ST6GALNAC3: variants seen among roughly 807,000 people sequenced by gnomAD.
ST6GALNAC3 encodes the protein ST6 N-acetylgalactosaminide alpha-2,6-sialyltransferase 3.
Under a neutral mutation model 32.7 loss-of-function variants are expected in ST6GALNAC3, and 25 were observed. The ratio of observed to expected loss-of-function variants is 0.76; its 90% CI spans 0.56 to 1.07. ST6GALNAC3 has a LOEUF of 1.07. Among genes scored for constraint, ST6GALNAC3 ranks in the 50% least tolerant of loss-of-function variants. The probability of loss-of-function intolerance (pLI) is 0.00; values close to 1 mark genes in which losing one functional copy is unlikely to be tolerated. For missense variants in ST6GALNAC3, 355 were observed against 382.4 expected (o/e 0.93, Z 0.60); for synonymous variants, 129 against 133.1 (o/e 0.97, Z 0.21).
At chr1:76,125,138 A>G (rs893403507) in intron 1 of ST6GALNAC3, among the ~76,000 whole-genome samples, 3 of 152,186 alleles carry the variant, frequency 2.0e-5, no homozygotes, top group Non-Finnish European at 4.4e-5. Flanking sequence ...CTTGCATTAC[A>G]TGTCTCTGGG....
intron 3 of ST6GALNAC3, among the ~76,000 whole-genome samples, chr1:76,486,214 G>A (rs1035591575): frequency 6.6e-6 from 1 of 152,194 alleles, no homozygotes; most frequent in Admixed American, 6.5e-5. Flanking sequence ...ATTTGGGGTG[G>A]AGATTTCTGT....
At chr1:76,573,815 A>G (rs555583616) in intron 3 of ST6GALNAC3, among the ~76,000 whole-genome samples, 2 of 152,188 alleles carry the variant, frequency 1.3e-5, no homozygotes, top group South Asian at 4.1e-4. Context: ...CTGGCCTTGT[A>G]CTTCTAGGAA....
chr1:76,624,104 A>G (rs1280093854), intron 3 of ST6GALNAC3, among the ~76,000 whole-genome samples: 1 of 151,988 alleles, frequency 6.6e-6, no homozygotes, highest in Non-Finnish European at 1.5e-5. Context: ...GCAACTGTCA[A>G]TTAAGTGCTG....
chr1:76,423,515 C>T (rs1361730174), intron 3 of ST6GALNAC3, among the ~76,000 whole-genome samples: 1 of 151,894 alleles, frequency 6.6e-6, no homozygotes, highest in Non-Finnish European at 1.5e-5. Context: ...GCTCTACTGG[C>T]AAAATGGATA....
intron 1 of ST6GALNAC3, among the ~76,000 whole-genome samples, chr1:76,261,979 C>T (rs77588472): frequency 0.013 from 1,976 of 152,222 alleles, 42 homozygotes; most frequent in African/African-American, 0.043. Context: ...GTTTTTCACG[C>T]GGAAAGAAGA....
Position 76,175,997 on chromosome 1 carries a change from CTT to C in ST6GALNAC3, c.18+101119_18+101120del, listed in dbSNP as rs555754680. ...TTAAACAAGACAATCTGAGCTTTGC[CTT>C]TTTTTCTTTTGGGTAACTTGATTTC... On this transcript the variant is annotated intron_variant, in intron 1 of 4. Transcript: ENST00000328299. 2.3e-4 allele frequency among the ~76,000 whole-genome samples: 35 copies of C among 152,210 alleles called. No homozygotes were observed. In the South Asian group the frequency reaches 3.5e-3, roughly 15 times the overall value.
At chr1:76,494,560 C>A (rs76885831) in intron 3 of ST6GALNAC3, among the ~76,000 whole-genome samples, 1 of 126,858 alleles carries the variant, frequency 7.9e-6, no homozygotes, top group African/African-American at 3.2e-5. Context: ...AACACACACA[C>A]ACACACACAC....
chr1:76,497,212 A>G (rs188562107), intron 3 of ST6GALNAC3, among the ~76,000 whole-genome samples: 51 of 151,974 alleles, frequency 3.4e-4, no homozygotes, highest in Middle Eastern at 6.8e-3. Context: ...AGAGAAAAAG[A>G]CTCTTGAATC....
intron 2 of ST6GALNAC3, among the ~76,000 whole-genome samples, chr1:76,363,542 C>T (rs759167964): frequency 1.3e-5 from 2 of 152,156 alleles, no homozygotes; most frequent in Non-Finnish European, 2.9e-5. Flanking sequence ...TATCCATTAC[C>T]CAGCTCTAAA....
rs568694243 is a variant in ST6GALNAC3 at position 76,278,223 on chromosome 1, CT to C, written c.19-35567del. Among the ~76,000 whole-genome samples the C allele has an allele frequency of 9.8e-3, 1,115 of 113,700 alleles. 34 individuals are homozygous for C. The highest frequency in any genetic ancestry group is 0.042 in the East Asian group (130 of 3,082). The allele number at this position is 113,700 out of a possible 152,430, so 74.6% of individuals were successfully genotyped here. The stretch of plus-strand genomic sequence containing the variant: ...TGTATTCTCATTATTGCTAGGCATT[CT>C]TTTTTTTTTTTTTTGAGATGGAGTC... On this transcript the variant is annotated intron_variant, in intron 1 of 4. Transcript: ENST00000328299.
chr1:76,232,683 C>T (rs935210633), intron 1 of ST6GALNAC3, among the ~76,000 whole-genome samples: 2 of 152,228 alleles, frequency 1.3e-5, no homozygotes, highest in Non-Finnish European at 2.9e-5. Flanking sequence ...AGTCCCTGCC[C>T]CTTAGTGCTG....
In ST6GALNAC3 at chr1:76,412,298, C is replaced by T. The variant is rs768308709; in HGVS notation, c.504C>T (p.Ile168=). The stretch of plus-strand genomic sequence containing the variant: ...ATATGAGGAAAGATGGCAATGGCAT[C>T]GTTTACAACATGTTGAAAAAGACAG... The part of the protein sequence containing the change: ...FRNMRKDGNG[I]VYNMLKKTVG... Residue 168 remains isoleucine (I), a synonymous_variant, in exon 3 of 5, where the codon ATC becomes ATT. Transcript: ENST00000328299. 5 of 1,613,568 alleles carry T rather than the reference C, an allele frequency of 3.1e-6. No individual in the cohort carries two copies. The highest frequency in any genetic ancestry group is 1.1e-5 in the South Asian group (1 of 91,058).
chr1:76,085,220 A>G (rs943563441), intron 1 of ST6GALNAC3, among the ~76,000 whole-genome samples: 4 of 152,262 alleles, frequency 2.6e-5, no homozygotes, highest in African/African-American at 9.6e-5. Context: ...ATCTGCTTTC[A>G]TGGCACAAAG....
At chr1:76,090,955 G>A (rs1647036295) in intron 1 of ST6GALNAC3, among the ~76,000 whole-genome samples, 1 of 152,124 alleles carries the variant, frequency 6.6e-6, no homozygotes, top group Non-Finnish European at 1.5e-5. Flanking sequence ...CATTGCCACT[G>A]GTCATTGCCC....
At position 76,226,856 on chromosome 1, in the gene ST6GALNAC3, G is replaced by C. The variant is rs571848116; in HGVS notation, c.19-86949G>C. ...ATCACCTCCTCACCTCCAACATTGG[G>C]GATTACAATTCGACATGAGATTTAG... On this transcript the variant is annotated intron_variant, in intron 1 of 4. Transcript: ENST00000328299. Among the ~76,000 whole-genome samples the C allele has an allele frequency of 1.3e-4, 20 of 152,122 alleles. 2 individuals carry two copies. The highest frequency in any genetic ancestry group is 3.9e-4 in the Admixed American group (6 of 15,274).
At chr1:76,165,244 C>G (rs1207336096) in intron 1 of ST6GALNAC3, among the ~76,000 whole-genome samples, 1 of 152,078 alleles carries the variant, frequency 6.6e-6, no homozygotes, top group East Asian at 1.9e-4. Context: ...CATTTAGCTC[C>G]TATTTGTAAG....
chr1:76,142,984 A>T (rs2100289822), intron 1 of ST6GALNAC3: 1 of 403,532 alleles, frequency 2.5e-6, no homozygotes, highest in South Asian at 1.8e-5. Context: ...CCACAGCCAG[A>T]ACCGGCAGAG....
chr1:76,141,749 T>C (rs1161326120), intron 1 of ST6GALNAC3, among the ~76,000 whole-genome samples: 3 of 152,184 alleles, frequency 2.0e-5, no homozygotes, highest in African/African-American at 7.2e-5. Flanking sequence ...AAAATGGATC[T>C]AGCATCTTCA....
chr1:76,468,511 C>G (rs1293565408), intron 3 of ST6GALNAC3, among the ~76,000 whole-genome samples: 1 of 152,024 alleles, frequency 6.6e-6, no homozygotes, highest in African/African-American at 2.4e-5. Flanking sequence ...GTCACCTTCT[C>G]ATCACTAAAT....
Sources: gnomAD v4.1 joint callset for allele counts (sites outside exome capture counted in the v4.1 genomes callset) on GRCh38, gnomAD v4.1.1 for gene constraint, MANE v1.5 for transcripts, NCBI Gene and HGNC (gene_info 2026-07-23, HGNC 2026-07-21) for gene names.